The following SMUG1 variants were observed in gnomAD, a reference collection of about 807,000 sequenced individuals.
SMUG1 encodes single-strand selective monofunctional uracil DNA glycosylase.
Under a neutral mutation model 23.9 loss-of-function variants are expected in SMUG1, and 13 were observed. The observed-to-expected ratio is 0.54, with a 90% CI of 0.35 to 0.86. The LOEUF is 0.86. Among genes scored for constraint, SMUG1 ranks in the 40% least tolerant of loss-of-function variants. The pLI is 0.01. For synonymous variants in SMUG1, 133 were observed against 139.8 expected, an observed-to-expected ratio of 0.95 and a Z score of 0.34; for missense variants, 313 against 339.5, an observed-to-expected ratio of 0.92 and a Z score of 0.61.
chr12:54,175,342 C>T (rs903770775), intron 2 of SMUG1, among the ~76,000 whole-genome samples: 2 of 152,224 alleles, frequency 1.3e-5, no homozygotes, highest in Admixed American at 1.3e-4. Context: ...CAGATGTGTT[C>T]TGAAAGGAAG....
At chr12:54,170,753 C>T (rs2136542752) in intron 3 of SMUG1, among the ~76,000 whole-genome samples, 1 of 152,276 alleles carries the variant, frequency 6.6e-6, no homozygotes, top group South Asian at 2.1e-4. Flanking sequence ...CGTGCCACCA[C>T]ACTCAGCTAA....
intron 3 of SMUG1, among the ~76,000 whole-genome samples, chr12:54,165,864 A>C (rs1940441900): frequency 6.6e-6 from 1 of 152,222 alleles, no homozygotes. Flanking sequence ...GTAGTAGCTT[A>C]AAAGCCTCTT....
At chr12:54,172,056 C>G in exon 3 of SMUG1, 1 of 455,750 alleles carries the variant, frequency 2.2e-6, no homozygotes, top group South Asian at 1.5e-5. Flanking sequence ...GACTGGTCTC[C>G]CTGCTTCTGC....
At chr12:54,178,634 T>C (rs1455469525), downstream of SMUG1, among the ~76,000 whole-genome samples, 2 of 152,220 alleles carry the variant, frequency 1.3e-5, no homozygotes, top group East Asian at 1.9e-4. Flanking sequence ...GTGTGTGTTC[T>C]GTGCATCTCA....
chr12:54,170,713 C>T (rs935741887), intron 3 of SMUG1, among the ~76,000 whole-genome samples: 1 of 152,188 alleles, frequency 6.6e-6, no homozygotes, highest in African/African-American at 2.4e-5. Context: ...CCTCCCACCT[C>T]AGCCTCCTGA....
downstream of SMUG1, among the ~76,000 whole-genome samples, chr12:54,177,384 C>T (rs905161750): frequency 2.0e-5 from 3 of 152,168 alleles, no homozygotes; most frequent in African/African-American, 7.2e-5. Flanking sequence ...TGTTGTCTAA[C>T]ACAAATTTCT....
chr12:54,184,559 T>G (rs933522417), intron 2 of SMUG1, among the ~76,000 whole-genome samples: 5 of 152,204 alleles, frequency 3.3e-5, no homozygotes, highest in African/African-American at 1.2e-4. Context: ...ACACTGAGGC[T>G]TAGCAAGATT....
At chr12:54,158,420 G>C (rs1268416723) in intron 4 of SMUG1, among the ~76,000 whole-genome samples, 4 of 152,062 alleles carry the variant, frequency 2.6e-5, no homozygotes, top group Admixed American at 2.6e-4. Context: ...GGATTCCTAG[G>C]ATCTCAGAAT....
chr12:54,163,818 A>C (rs1940350966), downstream of SMUG1, among the ~76,000 whole-genome samples: 1 of 152,236 alleles, frequency 6.6e-6, no homozygotes, highest in Non-Finnish European at 1.5e-5. Context: ...TCATAGTATT[A>C]TTGAGAGAAG....
downstream of SMUG1, chr12:54,163,307 G>A (rs1030998538): frequency 2.6e-5 from 4 of 152,222 alleles, no homozygotes; most frequent in African/African-American, 9.7e-5. Flanking sequence ...TCCTGGCTCT[G>A]CCACTTATTA....
chr12:54,168,102 T>C (rs1164571334), intron 3 of SMUG1, among the ~76,000 whole-genome samples: 1 of 152,030 alleles, frequency 6.6e-6, no homozygotes, highest in Non-Finnish European at 1.5e-5. Context: ...AGGGGTGAGG[T>C]CTTTGAGAGA....
At chr12:54,176,821 TAAAAA>T (rs201445348), downstream of SMUG1, among the ~76,000 whole-genome samples, 15 of 133,684 alleles carry the variant, frequency 1.1e-4, no homozygotes, top group East Asian at 1.6e-3. Flanking sequence ...AAATAAAAAC[TAAAAA>T]AAAAAAAAAA....
At chr12:54,159,737 G>GA (rs1043269424) in intron 4 of SMUG1, among the ~76,000 whole-genome samples, 23 of 152,190 alleles carry the variant, frequency 1.5e-4, no homozygotes, top group Non-Finnish European at 1.3e-4. Context: ...GTGGATGGAG[G>GA]AAGTGTCGGT....
intron 3 of SMUG1, among the ~76,000 whole-genome samples, chr12:54,169,833 G>C (rs1185029794): frequency 6.6e-6 from 1 of 152,196 alleles, no homozygotes; most frequent in African/African-American, 2.4e-5. Context: ...CAAAAGGCAG[G>C]GTGGGCTGAT....
intron 3 of SMUG1, among the ~76,000 whole-genome samples, chr12:54,170,350 C>T (rs938135679): frequency 2.0e-5 from 3 of 152,122 alleles, no homozygotes; most frequent in African/African-American, 7.2e-5. Context: ...CTTCAGGAGT[C>T]CCTGTAGGTT....
At chr12:54,187,020 A>T (rs1319263937) in intron 2 of SMUG1, 2 of 152,164 alleles carry the variant, frequency 1.3e-5, no homozygotes, top group African/African-American at 4.8e-5. Flanking sequence ...ATCTGTAAAT[A>T]TAAAAATAAA....
chr12:54,183,775 TGTA>T lies in SMUG1; in HGVS notation c.163_165del (p.Tyr55del). ...GGCTCCCATGCATACTCCACGGGAT[TGTA>T]GATGATGCCCACAGGCTCCGAAAAC... On this transcript the variant is annotated inframe_deletion, in exon 3 of 4. Transcript: ENST00000682136. The T allele has an allele frequency of 6.2e-7, 1 of 1,614,138 alleles. No homozygotes were observed. The highest frequency in any genetic ancestry group is 8.5e-7 in the Non-Finnish European group (1 of 1,180,008).
At chr12:54,172,582 G>A (rs924484861) in intron 2 of SMUG1, 9 of 158,888 alleles carry the variant, frequency 5.7e-5, no homozygotes, top group Non-Finnish European at 1.1e-4. Context: ...CGGGGCAGGG[G>A]GGACGTGCCC....
intron 3 of SMUG1, among the ~76,000 whole-genome samples, chr12:54,170,578 T>C (rs1027524697): frequency 6.6e-6 from 1 of 152,116 alleles, no homozygotes; most frequent in African/African-American, 2.4e-5. Context: ...ATTTTTTTTT[T>C]GTACCTCCAC....
Sources: allele counts gnomAD v4.1 joint callset (sites outside exome capture counted in the v4.1 genomes callset), GRCh38; gene constraint gnomAD v4.1.1; transcripts MANE v1.5; gene names NCBI Gene and HGNC (gene_info 2026-07-23, HGNC 2026-07-21).